The following MTA3 variants were observed in gnomAD, a reference collection of about 807,000 sequenced individuals.
The protein encoded by MTA3 is metastasis-associated protein MTA3.
A neutral mutation model predicts 83.5 loss-of-function variants in MTA3; 34 were observed. The ratio of observed to expected loss-of-function variants is 0.41; its 90% CI spans 0.31 to 0.54. MTA3 has a LOEUF of 0.54. MTA3 is among the 20% of genes least tolerant of loss of function. The pLI is 0.33. For missense variants in MTA3, 761 were observed against 726.4 expected, an observed-to-expected ratio of 1.05 and a Z score of -0.55; for synonymous variants, 303 against 252.7, an observed-to-expected ratio of 1.20 and a Z score of -1.89.
At chr2:42,650,092 G>T (rs563191690) in intron 6 of MTA3, among the ~76,000 whole-genome samples, 1 of 152,234 alleles carries the variant, frequency 6.6e-6, no homozygotes, top group African/African-American at 2.4e-5. Context: ...CAATGTAGTG[G>T]ATAGTCGTTA....
At chr2:42,557,866 G>A (rs968068414) in intron 2 of MTA3, among the ~76,000 whole-genome samples, 3 of 152,152 alleles carry the variant, frequency 2.0e-5, no homozygotes, top group African/African-American at 7.2e-5. Context: ...GTCTGGCAGG[G>A]GATGTGGGGG....
chr2:42,679,024 G>A (rs1325158457), intron 8 of MTA3, among the ~76,000 whole-genome samples: 1 of 152,100 alleles, frequency 6.6e-6, no homozygotes, highest in African/African-American at 2.4e-5. Flanking sequence ...AACAAACAAG[G>A]AAAGTGAGTC....
At chr2:42,550,122 GAA>G (rs897498421) in intron 2 of MTA3, among the ~76,000 whole-genome samples, 3 of 151,974 alleles carry the variant, frequency 2.0e-5, no homozygotes, top group Non-Finnish European at 4.4e-5. Context: ...ACTAAGGAAA[GAA>G]AAAAACTGCA....
chr2:42,648,267 A>G (rs1257983756), intron 6 of MTA3, among the ~76,000 whole-genome samples: 1 of 152,248 alleles, frequency 6.6e-6, no homozygotes, highest in Admixed American at 6.5e-5. Flanking sequence ...ATATGTAGCT[A>G]GTACCTGATT....
At chr2:42,740,534 A>T (rs1474390296) in intron 16 of MTA3, among the ~76,000 whole-genome samples, 2 of 152,238 alleles carry the variant, frequency 1.3e-5, no homozygotes, top group East Asian at 3.9e-4. Context: ...TCAGTGAATG[A>T]ATCCATTCAT....
chr2:42,690,634 A>G (rs1410084554), intron 9 of MTA3, among the ~76,000 whole-genome samples: 3 of 147,214 alleles, frequency 2.0e-5, no homozygotes, highest in African/African-American at 7.4e-5. Flanking sequence ...TTTCAGGTTC[A>G]TAGTAGGTGT....
chr2:42,607,046 G>C (rs965113646), intron 3 of MTA3, among the ~76,000 whole-genome samples: 2 of 151,038 alleles, frequency 1.3e-5, no homozygotes, highest in African/African-American at 2.4e-5. Context: ...CTCCGCATGA[G>C]AGGGAGACCG....
chr2:42,754,430 C>T lies in MTA3; in HGVS notation c.*1031C>T. The T allele has an allele frequency of 2.0e-6, 2 of 985,556 alleles. No individual in the cohort carries two copies. The highest frequency in any genetic ancestry group is 2.4e-6 in the Non-Finnish European group (2 of 830,046). 61.1% of individuals were successfully genotyped at this position (985,556 alleles called of 1,614,324 possible). ...CACATGTGACCTAGGCCCCGGGGGACCTGCCTGCTCCTTTGGCTTGGGCTC... is the reference window on the plus strand; with the variant it reads ...CACATGTGACCTAGGCCCCGGGGGATCTGCCTGCTCCTTTGGCTTGGGCTC... On this transcript the variant is annotated 3_prime_UTR_variant, in exon 17 of 17. Transcript: ENST00000405094.
chr2:42,716,765 C>G (rs1277978111), intron 14 of MTA3, among the ~76,000 whole-genome samples: 1 of 152,138 alleles, frequency 6.6e-6, no homozygotes, highest in Non-Finnish European at 1.5e-5. Flanking sequence ...CATGTCTTTA[C>G]TATTGTGAAT....
chr2:42,523,747 TAACAAAACAAA>T (rs1393667785), intron 2 of MTA3, among the ~76,000 whole-genome samples: 2 of 151,934 alleles, frequency 1.3e-5, no homozygotes, highest in Non-Finnish European at 2.9e-5. Flanking sequence ...ACCTCTTCTC[TAACAAAACAAA>T]AACAAAACAA....
chr2:42,499,365 C>G (rs1674294098), intron 2 of MTA3, among the ~76,000 whole-genome samples: 1 of 151,376 alleles, frequency 6.6e-6, no homozygotes, highest in Non-Finnish European at 1.5e-5. Context: ...AGGGTTTCTC[C>G]ATGTTGGTCA....
intron 14 of MTA3, among the ~76,000 whole-genome samples, chr2:42,714,315 G>A (rs573603315): frequency 8.6e-4 from 130 of 151,736 alleles, no homozygotes; most frequent in Non-Finnish European, 1.3e-3. Flanking sequence ...TAGTTCCCCC[G>A]TTTTCTCTTT....
intron 9 of MTA3, among the ~76,000 whole-genome samples, chr2:42,683,267 A>T (rs878925953): frequency 6.6e-6 from 1 of 151,980 alleles, no homozygotes; most frequent in Admixed American, 6.6e-5. Context: ...AGCTTTCTGT[A>T]TTTTTCTAGT....
Position 42,675,064 on chromosome 2 carries a change from A to C in MTA3, c.703-7337A>C, listed in dbSNP as rs548896828. On this transcript the variant is annotated intron_variant, in intron 8 of 16. Coordinates refer to ENST00000405094, the MANE Select transcript of MTA3 (RefSeq NM_001330442.2). ...GGCCTCTCAAAAGCTCTGGGATTAC[A>C]TGCCTGAGCCAATGTACCTGGCCAA... 5.9e-5 allele frequency among the ~76,000 whole-genome samples: 9 copies of C among 152,088 alleles called. No individual in the cohort carries two copies. In the South Asian group the frequency reaches 1.7e-3, roughly 28 times the overall value.
At chr2:42,547,615 AC>A in intron 2 of MTA3, among the ~76,000 whole-genome samples, 1 of 152,150 alleles carries the variant, frequency 6.6e-6, no homozygotes, top group East Asian at 1.9e-4. Flanking sequence ...ACAGGCGTCA[AC>A]CCCCGCGCCT....
chr2:42,571,822 C>T (rs1313670296), intron 2 of MTA3, among the ~76,000 whole-genome samples: 1 of 152,020 alleles, frequency 6.6e-6, no homozygotes, highest in African/African-American at 2.4e-5. Context: ...TGGTGCATGC[C>T]TGTAATCCCA....
At chr2:42,593,465 G>A (rs889723306) in intron 3 of MTA3, among the ~76,000 whole-genome samples, 2 of 152,214 alleles carry the variant, frequency 1.3e-5, no homozygotes, top group African/African-American at 4.8e-5. Flanking sequence ...TTGATGGGCA[G>A]TACAGTAGGT....
intron 8 of MTA3, among the ~76,000 whole-genome samples, chr2:42,668,746 C>G (rs555291860): frequency 2.7e-4 from 41 of 152,082 alleles, no homozygotes; most frequent in Middle Eastern, 3.4e-3. Context: ...ATTAACCATA[C>G]CATTTAATAT....
chr2:42,698,160 A>G (rs1360061720), intron 11 of MTA3, among the ~76,000 whole-genome samples: 1 of 152,202 alleles, frequency 6.6e-6, no homozygotes, highest in Non-Finnish European at 1.5e-5. Flanking sequence ...TTTTCAAACT[A>G]TAGATTTTGT....
Sources: gnomAD v4.1 joint callset for allele counts (sites outside exome capture counted in the v4.1 genomes callset) on GRCh38, gnomAD v4.1.1 for gene constraint, MANE v1.5 for transcripts, NCBI Gene and HGNC (gene_info 2026-07-23, HGNC 2026-07-21) for gene names.